Variants in CDK14 observed in about 807,000 individuals in gnomAD.
CDK14 encodes the protein cyclin dependent kinase 14, also known as cyclin-dependent kinase 14.
In CDK14, 34 loss-of-function variants were observed where a neutral mutation model predicts 60.7. That is an observed-to-expected ratio of 0.56 (90% CI 0.43 to 0.75). The LOEUF (loss-of-function observed/expected upper bound fraction) is 0.75, where lower values mean the gene tolerates loss of function less well. Ranked by LOEUF, CDK14 falls within the 30% of genes least tolerant of loss-of-function variation. The pLI is 0.00. For missense variants in CDK14, 482 were observed against 564.1 expected (o/e 0.85, Z 1.47); for synonymous variants, 197 against 203.7 (o/e 0.97, Z 0.28).
chr7:91,061,271 C>G (rs1484369628), intron 11 of CDK14, among the ~76,000 whole-genome samples: 2 of 152,176 alleles, frequency 1.3e-5, no homozygotes, highest in Admixed American at 6.5e-5. Context: ...AAGGACTTCT[C>G]TGCATTGGTT....
chr7:90,605,860 C>CT (rs1189014664), intron 2 of CDK14, among the ~76,000 whole-genome samples: 5 of 152,086 alleles, frequency 3.3e-5, no homozygotes, highest in East Asian at 1.9e-4. Context: ...TTTCGAAAAC[C>CT]TTTTTTCTTG....
At chr7:90,857,222 T>A (rs181879848) in intron 5 of CDK14, among the ~76,000 whole-genome samples, 1 of 152,176 alleles carries the variant, frequency 6.6e-6, no homozygotes, top group African/African-American at 2.4e-5. Flanking sequence ...AGAGTTTGGA[T>A]GAAATTCATT....
intron 4 of CDK14, among the ~76,000 whole-genome samples, chr7:90,786,332 C>T (rs1393673959): frequency 1.3e-5 from 2 of 152,142 alleles, no homozygotes; most frequent in Non-Finnish European, 1.5e-5. Context: ...TATTCATTAG[C>T]CTTTGATTTA....
At chr7:90,850,268 G>A (rs923694964) in intron 5 of CDK14, among the ~76,000 whole-genome samples, 2 of 150,428 alleles carry the variant, frequency 1.3e-5, no homozygotes, top group African/African-American at 2.5e-5. Flanking sequence ...GCTCCTTGCA[G>A]TGATTTATGG....
chr7:90,696,279 C>T (rs1241632644), intron 2 of CDK14, among the ~76,000 whole-genome samples: 1 of 150,218 alleles, frequency 6.7e-6, no homozygotes, highest in East Asian at 2.0e-4. Flanking sequence ...GAAGGAGGAG[C>T]AAGGTTTTTG....
At chr7:91,116,057 C>T (rs1282540874) in intron 13 of CDK14, among the ~76,000 whole-genome samples, 1 of 152,092 alleles carries the variant, frequency 6.6e-6, no homozygotes, top group East Asian at 1.9e-4. Context: ...CAGCTTTGTC[C>T]CACTTCTTCT....
At chr7:91,015,613 C>T (rs112749568) in intron 10 of CDK14, among the ~76,000 whole-genome samples, 15,240 of 146,768 alleles carry the variant, frequency 0.1, 1,196 homozygotes, top group East Asian at 0.36. Context: ...CTGCAAGCTC[C>T]GCCTCCCGGG....
At chr7:90,635,783 ATTTG>A (rs1465106624) in intron 2 of CDK14, among the ~76,000 whole-genome samples, 1 of 152,026 alleles carries the variant, frequency 6.6e-6, no homozygotes, top group Non-Finnish European at 1.5e-5. Flanking sequence ...ATATTCTTCC[ATTTG>A]TTTGTATCCT....
chr7:90,653,743 T>C (rs1430612441), intron 2 of CDK14, among the ~76,000 whole-genome samples: 2 of 152,192 alleles, frequency 1.3e-5, no homozygotes, highest in African/African-American at 2.4e-5. Context: ...TATGTATACA[T>C]GTGCCATGTT....
At chr7:91,138,749 T>C (rs1023582541) in intron 14 of CDK14, among the ~76,000 whole-genome samples, 22 of 152,172 alleles carry the variant, frequency 1.4e-4, no homozygotes, top group African/African-American at 5.1e-4. Context: ...TTTCTATTTC[T>C]TTCTTTCCCT....
intron 2 of CDK14, among the ~76,000 whole-genome samples, chr7:90,627,304 AG>A (rs1799896543): frequency 6.6e-6 from 1 of 151,812 alleles, no homozygotes; most frequent in South Asian, 2.1e-4. Flanking sequence ...CACCCTCCCA[AG>A]CTCAAGTGAT....
chr7:91,032,507 C>A (rs1796789888), intron 10 of CDK14, among the ~76,000 whole-genome samples: 1 of 152,032 alleles, frequency 6.6e-6, no homozygotes, highest in Non-Finnish European at 1.5e-5. Flanking sequence ...CCAGGTAAGC[C>A]ATAAGTTCAG....
chr7:91,056,023 A>G (rs552810842), intron 11 of CDK14, among the ~76,000 whole-genome samples: 1 of 152,326 alleles, frequency 6.6e-6, no homozygotes, highest in Non-Finnish European at 1.5e-5. Flanking sequence ...AAAGTCCTCC[A>G]TAACTCCTCA....
At chr7:91,203,676 A>G (rs1303796035) in intron 14 of CDK14, among the ~76,000 whole-genome samples, 1 of 152,224 alleles carries the variant, frequency 6.6e-6, no homozygotes, top group Non-Finnish European at 1.5e-5. Flanking sequence ...TGGAGTGGGC[A>G]GGCTTCCAGG....
chr7:90,703,923 A>C (rs900032860), intron 2 of CDK14, among the ~76,000 whole-genome samples: 2 of 152,230 alleles, frequency 1.3e-5, no homozygotes, highest in East Asian at 3.9e-4. Flanking sequence ...CTGTCTCTAC[A>C]AAAAATACAA....
At chr7:90,919,794 G>A (rs1481804897) in intron 8 of CDK14, among the ~76,000 whole-genome samples, 1 of 152,048 alleles carries the variant, frequency 6.6e-6, no homozygotes, top group Non-Finnish European at 1.5e-5. Context: ...GAGCATTTTA[G>A]CTCTTTCTAA....
chr7:90,765,837 G>C (rs1376577689), intron 4 of CDK14, among the ~76,000 whole-genome samples: 1 of 152,100 alleles, frequency 6.6e-6, no homozygotes, highest in Admixed American at 6.5e-5. Flanking sequence ...TATGACAAAG[G>C]AGTCAGTAGA....
rs199809570 is a variant in CDK14 at position 91,155,771 on chromosome 7, T to G, written c.*28+37563T>G. Among the ~76,000 whole-genome samples the G allele has an allele frequency of 2.6e-4, 39 of 152,326 alleles. No homozygotes were observed. In the East Asian group the frequency reaches 6.9e-3, roughly 27 times the overall value. On this transcript the variant is annotated intron_variant, in intron 14 of 14. Transcript: ENST00000380050. Reference sequence around the variant, plus strand: ...ATTGAAGTATAGTAGAATGACCCATTAACAAGATTTCTGTTGGGTTTATAT... The same window carrying G: ...ATTGAAGTATAGTAGAATGACCCATGAACAAGATTTCTGTTGGGTTTATAT...
chr7:90,622,517 T>C (rs1248075054), intron 2 of CDK14, among the ~76,000 whole-genome samples: 6 of 152,232 alleles, frequency 3.9e-5, no homozygotes, highest in Non-Finnish European at 8.8e-5. Context: ...GCACATGTTT[T>C]GGGGTTAATC....
Sources: gnomAD v4.1 joint callset for allele counts (sites outside exome capture counted in the v4.1 genomes callset) on GRCh38, gnomAD v4.1.1 for gene constraint, MANE v1.5 for transcripts, NCBI Gene and HGNC (gene_info 2026-07-23, HGNC 2026-07-21) for gene names.